CREBBP: variants seen among roughly 807,000 people sequenced by gnomAD.
The protein encoded by CREBBP is CREB binding lysine acetyltransferase.
A neutral mutation model predicts 265.0 loss-of-function variants in CREBBP; 19 were observed. The ratio of observed to expected loss-of-function variants is 0.07; its 90% CI spans 0.05 to 0.11. The LOEUF (loss-of-function observed/expected upper bound fraction) is 0.11. Ranked by LOEUF, CREBBP falls within the 10% of genes least tolerant of loss-of-function variation. CREBBP has a pLI of 1.00. For missense variants in CREBBP, 2,525 were observed against 3,219.0 expected, an observed-to-expected ratio of 0.78 and a Z score of 5.22; for synonymous variants, 1,457 against 1,223.7, an observed-to-expected ratio of 1.19 and a Z score of -3.98.
intron 27 of CREBBP, chr16:3,736,407 T>C (rs1244744555): frequency 1.3e-6 from 1 of 745,578 alleles, no homozygotes; most frequent in Non-Finnish European, 2.2e-6. Context: ...GCAACAGTGA[T>C]GCACAGGCCC....
chr16:3,747,536 T>C (rs954782280), intron 21 of CREBBP, among the ~76,000 whole-genome samples: 11 of 152,222 alleles, frequency 7.2e-5, no homozygotes, highest in African/African-American at 2.7e-4. Flanking sequence ...TACTGTCTCC[T>C]GCTGCAGGCT....
At position 3,796,319 on chromosome 16, in the gene CREBBP, G is replaced by C. The variant is rs186298735; in HGVS notation, c.976-2693C>G. ...CCAGGCTGGCCTCCTGGGCTCAACT[G>C]ATCTTCCCACCTCAGCCTCCCATGT... On this transcript the variant is annotated intron_variant, in intron 3 of 30. Coordinates refer to ENST00000262367, the MANE Select transcript of CREBBP (RefSeq NM_004380.3). 5.3e-5 allele frequency among the ~76,000 whole-genome samples: 8 copies of C among 151,802 alleles called. No individual in the cohort carries two copies. In the East Asian group the frequency reaches 1.2e-3, roughly 22 times the overall value.
At chr16:3,744,827 A>G in intron 23 of CREBBP, 67 bp downstream of exon 23, 1 of 1,241,510 alleles carries the variant, frequency 8.1e-7, no homozygotes, top group African/African-American at 1.5e-5. Context: ...CCAAAGAACA[A>G]TGGGGACAAT....
chr16:3,827,517 G>A (rs2054261072), intron 2 of CREBBP, among the ~76,000 whole-genome samples: 1 of 151,866 alleles, frequency 6.6e-6, no homozygotes, highest in South Asian at 2.1e-4. Flanking sequence ...TCAGACTCCC[G>A]AGTAGCTGGG....
At chr16:3,823,462 G>T (rs1436206956) in intron 2 of CREBBP, among the ~76,000 whole-genome samples, 2 of 152,160 alleles carry the variant, frequency 1.3e-5, no homozygotes, top group African/African-American at 4.8e-5. Context: ...TATACCTGTG[G>T]CTAGAAGACA....
chr16:3,764,130 T>C (rs959073731), intron 16 of CREBBP, among the ~76,000 whole-genome samples: 3 of 152,100 alleles, frequency 2.0e-5, no homozygotes, highest in Admixed American at 6.5e-5. Flanking sequence ...AAAATTTGTT[T>C]AAAATTTTTC....
chr16:3,838,425 A>G (rs1358266221), intron 2 of CREBBP, among the ~76,000 whole-genome samples: 2 of 152,166 alleles, frequency 1.3e-5, no homozygotes, highest in Non-Finnish European at 2.9e-5. Flanking sequence ...ACACATGCCT[A>G]AGTTACTCTT....
At chr16:3,798,566 C>T (rs1027721217) in intron 3 of CREBBP, among the ~76,000 whole-genome samples, 2 of 152,154 alleles carry the variant, frequency 1.3e-5, no homozygotes, top group African/African-American at 4.8e-5. Flanking sequence ...CCAATAAGCA[C>T]ATGAAAAGAT....
chr16:3,740,100 T>C (rs151241154), intron 24 of CREBBP, among the ~76,000 whole-genome samples: 34 of 152,348 alleles, frequency 2.2e-4, no homozygotes, highest in Non-Finnish European at 4.3e-4. Context: ...CACAAAATTT[T>C]AATTTATAAA....
chr16:3,762,856 G>C (rs534980461), intron 16 of CREBBP, among the ~76,000 whole-genome samples: 239 of 151,386 alleles, frequency 1.6e-3, no homozygotes, highest in Non-Finnish European at 2.6e-3. Flanking sequence ...CTCACTGCAA[G>C]CTCCGCCTCC....
At chr16:3,852,405 T>A (rs773804127) in intron 1 of CREBBP, among the ~76,000 whole-genome samples, 1 of 151,748 alleles carries the variant, frequency 6.6e-6, no homozygotes, top group Non-Finnish European at 1.5e-5. Flanking sequence ...CCTGACCTCA[T>A]GATCCATGGG....
chr16:3,792,415 T>C (rs1177429998), intron 4 of CREBBP, among the ~76,000 whole-genome samples: 1 of 152,196 alleles, frequency 6.6e-6, no homozygotes, highest in East Asian at 1.9e-4. Context: ...AATAGTTCTG[T>C]GATGTCACTA....
chr16:3,802,189 T>A (rs570688762), intron 3 of CREBBP, among the ~76,000 whole-genome samples: 1 of 123,840 alleles, frequency 8.1e-6, no homozygotes, highest in Admixed American at 1.1e-4. Flanking sequence ...TGGAGTGCAA[T>A]AGCATGATCT....
chr16:3,868,283 ATTGT>A lies in CREBBP; in HGVS notation c.85+11545_85+11548del, dbSNP rs1044245031. Among the ~76,000 whole-genome samples the A allele has an allele frequency of 7.8e-5, 10 of 128,884 alleles. 1 individual carries two copies. Among genetic ancestry groups the A allele is most frequent in the East Asian group, 7.8e-4 (2 of 2,576 alleles). The allele number at this position is 128,884 out of a possible 152,430, so 84.6% of individuals were successfully genotyped here. ...AACTTAAAAAAACTTTTAAAAGAAA[ATTGT>A]TTGTACAAAAATTTACTAACATCTT... is the stretch of plus-strand genomic sequence containing the variant. On this transcript the variant is annotated intron_variant, in intron 1 of 30. Transcript: ENST00000262367.
rs146168040 is a variant in CREBBP, at chr16:3,770,639, C to T, written c.2811G>A (p.Pro937=). 4.5e-4 allele frequency: 722 copies of T among 1,613,940 alleles called. 8 individuals are homozygous for T. In the Middle Eastern group the frequency reaches 0.011, roughly 24 times the overall value. The part of the protein sequence containing the change: ...TPQPQTPVQP[P]SVATPQSSQQ... ...GCGATGACTGAGGGGTAGCCACAGA[C>T]GGGGGCTGAACTGGGGTTTGAGGCT... is the stretch of plus-strand genomic sequence containing the variant. The change falls in exon 14 of 31, where the codon CCG becomes CCA. Residue 937 remains proline (P), a synonymous_variant. Transcript: ENST00000262367.
rs1260391173 is a variant in CREBBP, at chr16:3,810,517, T to A, written c.975+86A>T. The stretch of plus-strand genomic sequence containing the variant: ...TCACCTACTGACACACTTTTAGTTA[T>A]AGACTTTCACTGTGAGAATGGTAAA... On this transcript the variant is annotated intron_variant, in intron 3 of 30. Coordinates refer to ENST00000262367, the MANE Select transcript of CREBBP (RefSeq NM_004380.3). 2.0e-6 allele frequency: 3 copies of A among 1,490,324 alleles called. No homozygotes were observed. In the Admixed American group the frequency reaches 5.0e-5, roughly 25 times the overall value. The allele number at this position is 1,490,324 out of a possible 1,614,324, so 92.3% of individuals were successfully genotyped here. A position where few individuals can be genotyped will look rare whatever the true frequency, so the allele number is the denominator to read the frequency against.
Position 3,849,429 on chromosome 16 carries a change from GTGTGT to G in CREBBP, c.798+863_798+867del, listed in dbSNP as rs2054751007. On this transcript the variant is annotated intron_variant, in intron 2 of 30. Coordinates refer to ENST00000262367, the MANE Select transcript of CREBBP (RefSeq NM_004380.3). ...TGTGTGTGTGTGTGTGTGTGTGTGT[GTGTGT>G]GTGTGTGTGTGTGTGTGTGTGTGTG... Among the ~76,000 whole-genome samples the G allele has an allele frequency of 2.7e-3, 35 of 12,826 alleles. 3 individuals are homozygous for G. The highest frequency in any genetic ancestry group is 0.01 in the South Asian group (3 of 288). 8.4% of individuals were successfully genotyped at this position (12,826 alleles called of 152,430 possible). A position where few individuals can be genotyped will look rare whatever the true frequency, so the allele number is the denominator to read the frequency against.
chr16:3,788,387 T>A (rs1413682943), intron 5 of CREBBP, among the ~76,000 whole-genome samples: 1 of 152,142 alleles, frequency 6.6e-6, no homozygotes, highest in Non-Finnish European at 1.5e-5. Flanking sequence ...TGGGAGCACC[T>A]CTATGGCTTC....
chr16:3,807,166 T>C (rs1368106694), intron 3 of CREBBP, among the ~76,000 whole-genome samples: 2 of 152,134 alleles, frequency 1.3e-5, no homozygotes, highest in Admixed American at 1.3e-4. Context: ...TCAACACATG[T>C]GACAAATTAA....
Sources: gnomAD v4.1 joint callset for allele counts (sites outside exome capture counted in the v4.1 genomes callset) on GRCh38, gnomAD v4.1.1 for gene constraint, MANE v1.5 for transcripts, NCBI Gene and HGNC (gene_info 2026-07-23, HGNC 2026-07-21) for gene names.